The following ACSM2A variants were observed in gnomAD, a reference collection of about 807,000 sequenced individuals.
ACSM2A encodes the protein acyl-CoA synthetase medium chain family member 2A.
ACSM2A carries 72 observed loss-of-function variants against 76.6 expected under a neutral mutation model. The ratio of observed to expected loss-of-function variants is 0.94; its 90% CI spans 0.78 to 1.14. ACSM2A has a LOEUF of 1.14. ACSM2A is among the 50% of genes most tolerant of loss of function. The pLI, the probability that ACSM2A is intolerant of heterozygous loss-of-function variation, is 0.00. For missense variants in ACSM2A, 684 were observed against 708.5 expected, an observed-to-expected ratio of 0.97 and a Z score of 0.39; for synonymous variants, 249 against 255.9, an observed-to-expected ratio of 0.97 and a Z score of 0.26.
intron 3 of ACSM2A, among the ~76,000 whole-genome samples, chr16:20,469,298 C>T (rs1288452266): frequency 2.0e-5 from 3 of 152,216 alleles, no homozygotes; most frequent in African/African-American, 7.2e-5. Context: ...TTTTCTTTGT[C>T]TCAGTAGGGC....
At chr16:20,474,137 T>C (rs1261455959) in intron 6 of ACSM2A, 8 of 414,460 alleles carry the variant, frequency 1.9e-5, no homozygotes, top group Admixed American at 1.1e-4. Flanking sequence ...CCTGACCAAT[T>C]TGGGCACGTG....
intron 6 of ACSM2A, among the ~76,000 whole-genome samples, chr16:20,473,298 C>G (rs1487521932): frequency 6.6e-6 from 1 of 152,016 alleles, no homozygotes; most frequent in Non-Finnish European, 1.5e-5. Flanking sequence ...GTGTCCTTCT[C>G]AAAAGGACTT....
At chr16:20,471,332 A>G in intron 5 of ACSM2A, 116 bp downstream of exon 5, 6 of 1,517,050 alleles carry the variant, frequency 4.0e-6, no homozygotes, top group Non-Finnish European at 5.3e-6. Flanking sequence ...CTGAACATTC[A>G]TCTCCTGTTG....
chr16:20,453,877 G>A (rs959663591), intron 1 of ACSM2A: 1 of 129,108 alleles, frequency 7.7e-6, no homozygotes, highest in Non-Finnish European at 1.6e-5. Context: ...AGGCTTACTA[G>A]GATTGGGAAA....
Position 20,471,732 on chromosome 16 carries a change from C to T in ACSM2A, c.894+43C>T, listed in dbSNP as rs777318944. 14 of 1,582,150 alleles carry T rather than the reference C, an allele frequency of 8.8e-6. No homozygotes were observed. The Admixed American group carries it at 1.1e-4, about 12-fold the overall frequency. ...TTGCAGCAGTTATTCAGAGTGAGCC[C>T]GAGGTTTGCACACTTCAATTTATTG... On this transcript the variant is annotated intron_variant, in intron 6 of 13. Transcript: ENST00000573854.
chr16:20,452,431 G>A (rs1174736647), intron 1 of ACSM2A: 1 of 134,692 alleles, frequency 7.4e-6, no homozygotes, highest in African/African-American at 3.0e-5. Context: ...TTGCACCTCA[G>A]CCTGCAGATG....
chr16:20,469,872 AT>A (rs35674523), intron 4 of ACSM2A, among the ~76,000 whole-genome samples, 153 bp downstream of exon 4: 19,002 of 67,672 alleles, frequency 0.28, 1,127 homozygotes, highest in Middle Eastern at 0.36. Context: ...ACACAAGGGT[AT>A]TTTTTTTTTT....
At chr16:20,480,751 T>C (rs2014035461) in intron 11 of ACSM2A, 51 bp downstream of exon 11, 1 of 1,611,658 alleles carries the variant, frequency 6.2e-7, no homozygotes, top group Non-Finnish European at 8.5e-7. Flanking sequence ...TTACTCTGGC[T>C]GGTTCCAGAC....
In ACSM2A at chr16:20,460,246, T is replaced by C. The variant is rs150409659; in HGVS notation, c.132T>C (p.Phe44=). 861 of 1,613,612 alleles carry C rather than the reference T, an allele frequency of 5.3e-4. 2 individuals carry two copies. The Middle Eastern group carries it at 8.4e-3, about 16-fold the overall frequency. ...QWGHQEVPAK[F]NFASDVLDHW... is the part of the protein sequence containing the mutation. ...GCCACCAGGAAGTGCCGGCCAAGTT[T>C]AACTTTGCTAGTGATGTGTTGGATC... Residue 44 remains phenylalanine, a synonymous_variant, in exon 2 of 14, where the codon TTT becomes TTC. Transcript: ENST00000573854.
chr16:20,461,953 T>G (rs1328935616), intron 2 of ACSM2A, among the ~76,000 whole-genome samples: 1 of 152,130 alleles, frequency 6.6e-6, no homozygotes, highest in Non-Finnish European at 1.5e-5. Context: ...ACTGATTGCT[T>G]AGGAATGAAA....
rs779354856 is a variant in ACSM2A, at chr16:20,469,557, T to C, written c.434T>C (p.Ile145Thr). 11 of 1,613,662 alleles carry C rather than the reference T, an allele frequency of 6.8e-6. No homozygotes were observed. In the East Asian group the frequency reaches 2.5e-4, roughly 36 times the overall value. The change falls in exon 4 of 14, where the codon ATA (isoleucine) becomes ACA (threonine). Residue 145 changes from isoleucine (I) to threonine (T), a missense_variant. Physicochemically the swap from Ile to Thr is moderately conservative, Grantham distance 89 (BLOSUM62 -1). This residue lies in a region of ACSM2A where 519 missense variants were observed against 549.5 expected (regional missense o/e 0.94). Coordinates refer to ENST00000573854, the MANE Select transcript of ACSM2A (RefSeq NM_001308172.2). ...ACCATCCAGATGAAATCCACTGACA[T>C]ACTGTATAGGTTGCAGATGTCTAAG... is the stretch of plus-strand genomic sequence containing the variant. ...PGTIQMKSTD[I>T]LYRLQMSKAK...
chr16:20,460,318 G>C (rs755647529), intron 2 of ACSM2A, 27 bp downstream of exon 2: 2 of 1,612,524 alleles, frequency 1.2e-6, no homozygotes, highest in Non-Finnish European at 1.7e-6. Context: ...GAGGCACAGA[G>C]TGAGACAATT....
rs551428919 is a variant in ACSM2A, at chr16:20,487,574, C to T, written c.*896C>T. ...CCTTAGATCATAGCTGTGAGAACAA[C>T]GTAAGCACTGCCAAAGTTATCAGCT... is the stretch of plus-strand genomic sequence containing the variant. On this transcript the variant is annotated 3_prime_UTR_variant, in exon 14 of 14. Transcript: ENST00000573854. 1.4e-4 allele frequency: 21 copies of T among 152,302 alleles called. No individual in the cohort carries two copies. The highest frequency in any genetic ancestry group is 5.9e-5 in the Non-Finnish European group (4 of 68,026). The allele number at this position is 152,302 out of a possible 1,614,324, so 9.4% of individuals were successfully genotyped here. A position where few individuals can be genotyped will look rare whatever the true frequency, so the allele number is the denominator to read the frequency against.
At position 20,465,499 on chromosome 16, in the gene ACSM2A, G is replaced by C. The variant is rs370219371; in HGVS notation, c.178-18G>C. On this transcript the variant is annotated intron_variant, in intron 2 of 13. Transcript: ENST00000573854. ...GTGTACCAATGCCCCCTGATCAACA[G>C]GGCTTCTCTTTCCTCAGGCTGGCAA... 246 of 1,613,378 alleles carry C rather than the reference G, an allele frequency of 1.5e-4. 5 individuals are homozygous for C. The South Asian group carries it at 2.4e-3, about 16-fold the overall frequency.
Position 20,487,166 on chromosome 16 carries a change from G to C in ACSM2A, c.*488G>C, listed in dbSNP as rs1286923120. The C allele has an allele frequency of 1.3e-5, 2 of 149,518 alleles. No individual in the cohort carries two copies. Among genetic ancestry groups the C allele is most frequent in the East Asian group, 3.9e-4 (2 of 5,150 alleles). 9.3% of individuals were successfully genotyped at this position (149,518 alleles called of 1,614,324 possible). On this transcript the variant is annotated 3_prime_UTR_variant, in exon 14 of 14. Transcript: ENST00000573854. Reference sequence around the variant, plus strand: ...AGAGAGGGAGAAAGAGAGGGAGAAAGGGAGAGAAAAAAATTGTAAAAATAA... The same window carrying C: ...AGAGAGGGAGAAAGAGAGGGAGAAACGGAGAGAAAAAAATTGTAAAAATAA...
In ACSM2A at chr16:20,486,594, G is replaced by T. The variant is rs149283270; in HGVS notation, c.1650G>T (p.Leu550=). The T allele has an allele frequency of 1.2e-6, 2 of 1,614,114 alleles. No homozygotes were observed. Among genetic ancestry groups the T allele is most frequent in the Non-Finnish European group, 1.7e-6 (2 of 1,179,992 alleles). Residue 550 remains leucine (L), a synonymous_variant, in exon 14 of 14, where the codon CTG becomes CTT. Transcript: ENST00000573854. ...YPRKIEFVLN[L]PKTVTGKIQR... ...AACAGATAGAGTTTGTCTTGAACCT[G>T]CCCAAGACTGTCACAGGGAAAATTC...
At chr16:20,484,696 G>C (rs1214997912) in intron 13 of ACSM2A, among the ~76,000 whole-genome samples, 2 of 150,976 alleles carry the variant, frequency 1.3e-5, no homozygotes, top group Admixed American at 6.6e-5. Context: ...TCCCATGGGA[G>C]TTCTGGAGCT....
At chr16:20,458,905 CATAT>C (rs72108144) in intron 1 of ACSM2A, among the ~76,000 whole-genome samples, 1,243 of 74,838 alleles carry the variant, frequency 0.017, 11 homozygotes, top group African/African-American at 0.043. Context: ...TATATATATG[CATAT>C]ATATATATAT....
intron 12 of ACSM2A, 40 bp from the exon 13 acceptor site, chr16:20,483,018 C>T: frequency 1.9e-6 from 3 of 1,608,058 alleles, no homozygotes; most frequent in Non-Finnish European, 2.6e-6. Context: ...GATGACTACA[C>T]ACTCTAATCC....
Sources: gnomAD v4.1 joint callset for allele counts (sites outside exome capture counted in the v4.1 genomes callset) on GRCh38, gnomAD v4.1.1 for gene constraint, gnomAD v4.1.1 regional missense constraint, MANE v1.5 for transcripts, NCBI Gene and HGNC (gene_info 2026-07-23, HGNC 2026-07-21) for gene names.